Variants in PDE7A observed in about 807,000 individuals in gnomAD.
PDE7A encodes high affinity 3',5'-cyclic-AMP phosphodiesterase 7A.
PDE7A carries 39 observed loss-of-function variants against 64.3 expected under a neutral mutation model. The ratio of observed to expected loss-of-function variants is 0.61; its 90% confidence interval spans 0.47 to 0.79. PDE7A has a LOEUF of 0.79. Ranked by LOEUF, PDE7A falls within the 30% of genes least tolerant of loss-of-function variation. The pLI is 0.00. For synonymous variants in PDE7A, 203 were observed against 206.8 expected, an observed-to-expected ratio of 0.98 and a Z score of 0.16; for missense variants, 470 against 582.8, an observed-to-expected ratio of 0.81 and a Z score of 1.99.
At position 65,841,925 on chromosome 8, in the gene PDE7A, C is replaced by G; in HGVS notation, c.-417G>C. 1 of 224,490 alleles carries G rather than the reference C, an allele frequency of 4.5e-6. No homozygotes were observed. The highest frequency in any genetic ancestry group is 5.8e-5 in the South Asian group (1 of 17,262). 13.9% of individuals were successfully genotyped at this position (224,490 alleles called of 1,614,324 possible). On this transcript the variant is annotated 5_prime_UTR_variant, in exon 1 of 13. Transcript: ENST00000401827. Reference sequence around the variant, plus strand: ...AAGACAGCTGGAGCCAGCGGCCAGACCCAGGGCGCGCGGGACTCAGGAGCA... The same window carrying G: ...AAGACAGCTGGAGCCAGCGGCCAGAGCCAGGGCGCGCGGGACTCAGGAGCA...
intron 1 of PDE7A, among the ~76,000 whole-genome samples, chr8:65,837,793 G>T (rs1263206048): frequency 6.6e-6 from 1 of 152,070 alleles, no homozygotes; most frequent in Non-Finnish European, 1.5e-5. Context: ...ATGTGTTTAG[G>T]GTAACTAGGC....
intron 1 of PDE7A, among the ~76,000 whole-genome samples, chr8:65,822,618 T>C (rs1723563117): frequency 6.6e-6 from 1 of 152,226 alleles, no homozygotes; most frequent in Non-Finnish European, 1.5e-5. Context: ...GTGGACAAGG[T>C]CAGCTGTGCT....
chr8:65,766,862 A>G lies in PDE7A; in HGVS notation c.283+12858T>C, dbSNP rs143546463. On this transcript the variant is annotated intron_variant, in intron 3 of 12. Transcript: ENST00000401827. Reference sequence around the variant, plus strand: ...CTGTACCTTAATGGGTGTAATACTTAGATATAGGGCAGGTCTGAGGATTAG... The same window carrying G: ...CTGTACCTTAATGGGTGTAATACTTGGATATAGGGCAGGTCTGAGGATTAG... Among the ~76,000 whole-genome samples, 284 of 152,300 alleles carry G rather than the reference A, an allele frequency of 1.9e-3. 3 individuals are homozygous for G. Among genetic ancestry groups the G allele is most frequent in the East Asian group, 0.012 (64 of 5,190 alleles).
At position 65,734,851 on chromosome 8, in the gene PDE7A, G is replaced by A. The variant is rs781469443; in HGVS notation, c.639C>T (p.Asn213=). Residue 213 remains asparagine, a synonymous_variant, in exon 7 of 13, where the codon AAC becomes AAT. Coordinates refer to ENST00000401827, the MANE Select transcript of PDE7A (RefSeq NM_001242318.3). The part of the protein sequence containing the change: ...EDYHSQNPYH[N]AVHAADVTQA... ...GAGTAACATCCGCAGCGTGGACTGC[G>A]TTATGGTAAGGATTTTGACTGTGGT... is the stretch of plus-strand genomic sequence containing the variant. 1.4e-5 allele frequency: 22 copies of A among 1,612,354 alleles called. 2 individuals are homozygous for A. Among genetic ancestry groups the A allele is most frequent in the South Asian group, 7.7e-5 (7 of 91,026 alleles).
intron 1 of PDE7A, among the ~76,000 whole-genome samples, chr8:65,805,915 C>T (rs1810097740): frequency 6.6e-6 from 1 of 152,186 alleles, no homozygotes; most frequent in Non-Finnish European, 1.5e-5. Context: ...GTCTTTCTTA[C>T]ATCACTGTTT....
chr8:65,826,403 G>C (rs1235943286), intron 1 of PDE7A, among the ~76,000 whole-genome samples: 3 of 152,184 alleles, frequency 2.0e-5, no homozygotes, highest in Admixed American at 2.0e-4. Flanking sequence ...ATGGAGGCTG[G>C]TTTCAACTCT....
At chr8:65,816,930 T>G (rs1490158298) in intron 1 of PDE7A, among the ~76,000 whole-genome samples, 5 of 152,224 alleles carry the variant, frequency 3.3e-5, no homozygotes, top group Non-Finnish European at 7.3e-5. Context: ...CTTTCTCCTT[T>G]TGAGATTCTC....
intron 1 of PDE7A, among the ~76,000 whole-genome samples, chr8:65,816,529 T>G (rs1469108552): frequency 6.6e-6 from 1 of 152,230 alleles, no homozygotes; most frequent in Non-Finnish European, 1.5e-5. Flanking sequence ...GTATTTCTTA[T>G]AAGGTAGGTC....
chr8:65,774,820 G>T (rs74815707), intron 3 of PDE7A, among the ~76,000 whole-genome samples: 38 of 151,848 alleles, frequency 2.5e-4, no homozygotes, highest in African/African-American at 8.9e-4. Context: ...AGAAACGTCC[G>T]GCTGTTTCTC....
chr8:65,777,431 A>G (rs1809292704), intron 3 of PDE7A, among the ~76,000 whole-genome samples: 1 of 152,154 alleles, frequency 6.6e-6, no homozygotes, highest in African/African-American at 2.4e-5. Context: ...CTGTTAAACC[A>G]ATCTTATATT....
At chr8:65,841,222 G>A in intron 1 of PDE7A, 149 bp downstream of exon 1, 3 of 922,450 alleles carry the variant, frequency 3.3e-6, no homozygotes, top group African/African-American at 3.5e-5. Context: ...AATATTCAAA[G>A]AAAAGGCTCT....
intron 5 of PDE7A, 90 bp downstream of exon 5, chr8:65,745,317 A>G: frequency 1.3e-6 from 1 of 782,266 alleles, no homozygotes; most frequent in Non-Finnish European, 2.3e-6. Context: ...CAACCTTAGT[A>G]CAGTAAATGA....
intron 9 of PDE7A, 61 bp downstream of exon 9, chr8:65,726,814 T>C: frequency 1.2e-6 from 1 of 858,582 alleles, no homozygotes; most frequent in South Asian, 1.5e-5. Flanking sequence ...TTTATAAAAT[T>C]ACTTTGCCAA....
chr8:65,790,907 C>T (rs1309696618), intron 1 of PDE7A, among the ~76,000 whole-genome samples: 1 of 152,160 alleles, frequency 6.6e-6, no homozygotes, highest in Non-Finnish European at 1.5e-5. Flanking sequence ...TCCAGGGAAA[C>T]ACTGGCGGTC....
chr8:65,797,800 T>C (rs1385844620), intron 1 of PDE7A, among the ~76,000 whole-genome samples: 1 of 151,940 alleles, frequency 6.6e-6, no homozygotes, highest in Non-Finnish European at 1.5e-5. Context: ...AAATATTTTT[T>C]AAATGAATAA....
chr8:65,790,303 G>C (rs1253647678), intron 1 of PDE7A, among the ~76,000 whole-genome samples: 1 of 152,170 alleles, frequency 6.6e-6, no homozygotes, highest in African/African-American at 2.4e-5. Context: ...TACTGTAGTA[G>C]ATTTTGCTTT....
intron 3 of PDE7A, among the ~76,000 whole-genome samples, chr8:65,769,184 G>A (rs1226769513): frequency 6.7e-6 from 1 of 149,322 alleles, no homozygotes; most frequent in Non-Finnish European, 1.5e-5. Context: ...GGAGTTGGTG[G>A]TTGCAGTGTG....
At chr8:65,799,793 G>A (rs62507651) in intron 1 of PDE7A, among the ~76,000 whole-genome samples, 5,713 of 152,254 alleles carry the variant, frequency 0.038, 161 homozygotes, top group Non-Finnish European at 0.052. Flanking sequence ...CCCAAGGAGA[G>A]AAGTGAAGAC....
intron 6 of PDE7A, among the ~76,000 whole-genome samples, chr8:65,738,462 A>G (rs1032329989): frequency 2.6e-5 from 4 of 152,236 alleles, no homozygotes; most frequent in South Asian, 2.1e-4. Context: ...ACCAGGAATC[A>G]TGAATTCCTT....
Sources: gnomAD v4.1 joint callset for allele counts (sites outside exome capture counted in the v4.1 genomes callset) on GRCh38, gnomAD v4.1.1 for gene constraint, MANE v1.5 for transcripts, NCBI Gene and HGNC (gene_info 2026-07-23, HGNC 2026-07-21) for gene names.